RAB11FIP2: variants seen among roughly 807,000 people sequenced by gnomAD.
RAB11FIP2 encodes the protein rab11 family-interacting protein 2.
A neutral mutation model predicts 40.9 loss-of-function variants in RAB11FIP2; 16 were observed. The observed-to-expected ratio is 0.39, with a 90% CI of 0.26 to 0.59. The LOEUF is 0.59. Ranked by LOEUF, RAB11FIP2 falls within the 20% of genes least tolerant of loss-of-function variation. The pLI is 0.53. For synonymous variants in RAB11FIP2, 228 were observed against 213.7 expected (o/e 1.07, Z -0.58); for missense variants, 532 against 606.2 (o/e 0.88, Z 1.28).
intron 3 of RAB11FIP2, among the ~76,000 whole-genome samples, chr10:118,038,575 T>A (rs571528916): frequency 6.6e-6 from 1 of 152,190 alleles, no homozygotes; most frequent in African/African-American, 2.4e-5. Context: ...GAATAGCACA[T>A]GGGCTGCTGT....
At chr10:118,033,509 G>C (rs1846442994) in intron 3 of RAB11FIP2, among the ~76,000 whole-genome samples, 1 of 152,078 alleles carries the variant, frequency 6.6e-6, no homozygotes, top group Non-Finnish European at 1.5e-5. Flanking sequence ...GGAAACACGA[G>C]GTTATTACTC....
chr10:118,013,483 C>T (rs1364366064), intron 4 of RAB11FIP2, among the ~76,000 whole-genome samples: 1 of 151,972 alleles, frequency 6.6e-6, no homozygotes, highest in Non-Finnish European at 1.5e-5. Flanking sequence ...ATACTATGTC[C>T]AGAGGGAGAA....
chr10:118,016,107 A>G (rs1199019718), intron 3 of RAB11FIP2, among the ~76,000 whole-genome samples: 1 of 152,212 alleles, frequency 6.6e-6, no homozygotes, highest in African/African-American at 2.4e-5. Context: ...TACAAATCCT[A>G]CGCTCTAAGA....
chr10:118,028,001 G>C (rs541706082), intron 3 of RAB11FIP2, among the ~76,000 whole-genome samples: 1 of 152,028 alleles, frequency 6.6e-6, no homozygotes, highest in East Asian at 1.9e-4. Flanking sequence ...TAAACTCCAT[G>C]TACTTCTGTT....
intron 3 of RAB11FIP2, among the ~76,000 whole-genome samples, chr10:118,030,197 A>G (rs973911302): frequency 1.3e-5 from 2 of 152,188 alleles, no homozygotes; most frequent in Non-Finnish European, 2.9e-5. Flanking sequence ...ATCTACATGT[A>G]ACAACAATTA....
chr10:118,023,670 T>C (rs1846307688), intron 3 of RAB11FIP2, among the ~76,000 whole-genome samples: 2 of 152,188 alleles, frequency 1.3e-5, no homozygotes, highest in Non-Finnish European at 2.9e-5. Flanking sequence ...ACCTAGCTGC[T>C]TTTCCATAAT....
chr10:118,038,092 G>A (rs1448730249), intron 3 of RAB11FIP2, among the ~76,000 whole-genome samples: 1 of 151,638 alleles, frequency 6.6e-6, no homozygotes, highest in Non-Finnish European at 1.5e-5. Flanking sequence ...TGCAGAACCT[G>A]CAAATATGGG....
chr10:118,035,839 C>T (rs1268860998), intron 3 of RAB11FIP2, among the ~76,000 whole-genome samples: 2 of 152,022 alleles, frequency 1.3e-5, no homozygotes, highest in African/African-American at 4.8e-5. Flanking sequence ...GGAAATGCTT[C>T]AAAGAAATAG....
At chr10:118,036,936 A>T (rs1846488946) in intron 3 of RAB11FIP2, among the ~76,000 whole-genome samples, 1 of 152,134 alleles carries the variant, frequency 6.6e-6, no homozygotes, top group Admixed American at 6.5e-5. Context: ...GGGCAATTAA[A>T]GATTTGCAAA....
chr10:118,012,841 T>C lies in RAB11FIP2; in HGVS notation c.1311+2224A>G, dbSNP rs528803770. Among the ~76,000 whole-genome samples the C allele has an allele frequency of 3.3e-5, 5 of 152,098 alleles. No individual in the cohort carries two copies. In the South Asian group the frequency reaches 8.3e-4, roughly 25 times the overall value. On this transcript the variant is annotated intron_variant, in intron 4 of 4. Coordinates refer to ENST00000355624, the MANE Select transcript of RAB11FIP2 (RefSeq NM_014904.3). ...TAAGATGTTTTCTTATTTTGAAATT[T>C]AATGTAAATTTTTCTTCTCTCTTCC... is the stretch of plus-strand genomic sequence containing the variant.
At chr10:118,018,664 A>G (rs919185829) in intron 3 of RAB11FIP2, among the ~76,000 whole-genome samples, 2 of 152,248 alleles carry the variant, frequency 1.3e-5, no homozygotes, top group Non-Finnish European at 2.9e-5. Flanking sequence ...ATGTTTTCAA[A>G]TATTTCTAGG....
At position 118,016,182 on chromosome 10, in the gene RAB11FIP2, T is replaced by C. The variant is rs114622877; in HGVS notation, c.1266-1072A>G. On this transcript the variant is annotated intron_variant, in intron 3 of 4. Transcript: ENST00000355624. ...CCCATGTAACCAAGATTTCACTGGC[T>C]ATGACTAAGATTTGAAGTACTAGCT... Among the ~76,000 whole-genome samples, 1,229 of 152,310 alleles carry C rather than the reference T, an allele frequency of 8.1e-3. 17 individuals carry two copies. The highest frequency in any genetic ancestry group is 0.029 in the African/African-American group (1,186 of 41,572).
chr10:118,029,620 A>G lies in RAB11FIP2; in HGVS notation c.1265+9352T>C, dbSNP rs372003947. Reference sequence around the variant, plus strand: ...ATACAGCAAATATTCCAAAAATAATAATGAAAATATCATTTGATTTTCAGA... The same window carrying G: ...ATACAGCAAATATTCCAAAAATAATGATGAAAATATCATTTGATTTTCAGA... On this transcript the variant is annotated intron_variant, in intron 3 of 4. Transcript: ENST00000355624. 1.3e-4 allele frequency among the ~76,000 whole-genome samples: 20 copies of G among 152,302 alleles called. No individual in the cohort carries two copies. The South Asian group carries it at 3.7e-3, about 28-fold the overall frequency.
intron 4 of RAB11FIP2, 84 bp downstream of exon 4, chr10:118,014,981 A>T: frequency 8.3e-7 from 1 of 1,199,502 alleles, no homozygotes; most frequent in Non-Finnish European, 1.2e-6. Flanking sequence ...GAAGGCAAGA[A>T]GACAAAGGCA....
chr10:118,012,475 TG>T (rs1846169630), intron 4 of RAB11FIP2, among the ~76,000 whole-genome samples: 1 of 151,892 alleles, frequency 6.6e-6, no homozygotes, highest in Non-Finnish European at 1.5e-5. Flanking sequence ...TTGAAAACAA[TG>T]TAAACCTTCT....
chr10:118,025,394 A>G (rs74161138), intron 3 of RAB11FIP2, among the ~76,000 whole-genome samples: 10,913 of 152,298 alleles, frequency 0.072, 1,286 homozygotes, highest in African/African-American at 0.25. Context: ...CTTATGCCAC[A>G]ATAATTTCAC....
At chr10:118,044,948 T>C (rs940243077) in intron 1 of RAB11FIP2, among the ~76,000 whole-genome samples, 1 of 152,178 alleles carries the variant, frequency 6.6e-6, no homozygotes, top group Admixed American at 6.5e-5. Flanking sequence ...GTGAGTATAC[T>C]TAACTCTAAA....
At chr10:118,033,174 T>C (rs745385011) in intron 3 of RAB11FIP2, among the ~76,000 whole-genome samples, 2 of 152,066 alleles carry the variant, frequency 1.3e-5, no homozygotes, top group Non-Finnish European at 2.9e-5. Context: ...GGAGGACCAC[T>C]GTAGGTGATA....
Position 118,046,260 on chromosome 10 carries a change from T to A in RAB11FIP2, c.-97A>T. On this transcript the variant is annotated 5_prime_UTR_variant, in exon 1 of 5. Transcript: ENST00000355624. ...TTAATCACTGCATCCTAAGGACACT[T>A]AACGGAAACAGGCAGGCTCAGGGCT... 1.9e-6 allele frequency: 2 copies of A among 1,066,892 alleles called. No homozygotes were observed. Among genetic ancestry groups the A allele is most frequent in the African/African-American group, 1.6e-5 (1 of 63,266 alleles). The allele number at this position is 1,066,892 out of a possible 1,614,324, so 66.1% of individuals were successfully genotyped here. A position where few individuals can be genotyped will look rare whatever the true frequency, so the allele number is the denominator to read the frequency against.
Sources: allele counts gnomAD v4.1 joint callset (sites outside exome capture counted in the v4.1 genomes callset), GRCh38; gene constraint gnomAD v4.1.1; transcripts MANE v1.5; gene names NCBI Gene and HGNC (gene_info 2026-07-23, HGNC 2026-07-21).